The following STXBP5L variants were observed in gnomAD, a reference collection of about 807,000 sequenced individuals.
The protein encoded by STXBP5L is syntaxin binding protein 5L.
STXBP5L carries 65 observed loss-of-function variants against 144.5 expected under a neutral mutation model. That is an observed-to-expected ratio of 0.45 (90% CI 0.37 to 0.55). The LOEUF (loss-of-function observed/expected upper bound fraction) is 0.55. STXBP5L is among the 20% of genes least tolerant of loss of function. The probability of loss-of-function intolerance (pLI) is 0.00; values close to 1 mark genes in which losing one functional copy is unlikely to be tolerated. For missense variants in STXBP5L, 1,298 were observed against 1,405.5 expected (o/e 0.92, Z 1.22); for synonymous variants, 505 against 469.6 (o/e 1.08, Z -0.97).
chr3:121,192,723 A>G (rs1376601623), intron 9 of STXBP5L, among the ~76,000 whole-genome samples: 1 of 152,228 alleles, frequency 6.6e-6, no homozygotes, highest in Non-Finnish European at 1.5e-5. Context: ...CAATGGGGAA[A>G]TGATTCCCTG....
At chr3:121,190,828 C>A (rs1172245756) in intron 9 of STXBP5L, among the ~76,000 whole-genome samples, 1 of 150,308 alleles carries the variant, frequency 6.7e-6, no homozygotes, top group East Asian at 2.0e-4. Flanking sequence ...TCAGACGGGG[C>A]GGCCAGTCAG....
chr3:121,226,605 G>A (rs563062430), intron 11 of STXBP5L, among the ~76,000 whole-genome samples: 1 of 152,130 alleles, frequency 6.6e-6, no homozygotes, highest in Non-Finnish European at 1.5e-5. Context: ...CCCTAGTCTG[G>A]ACTGGGGAAA....
chr3:120,980,460 CTT>C (rs35037881), intron 3 of STXBP5L, among the ~76,000 whole-genome samples: 1,458 of 144,760 alleles, frequency 0.01, 10 homozygotes, highest in Non-Finnish European at 0.015. Context: ...TAATGTCCTG[CTT>C]TTTTTTTTTT....
chr3:121,016,160 A>G (rs999239248), intron 3 of STXBP5L, among the ~76,000 whole-genome samples: 5 of 152,204 alleles, frequency 3.3e-5, no homozygotes, highest in Admixed American at 1.3e-4. Flanking sequence ...CTCAGTTCCT[A>G]TTAATCAATA....
intron 15 of STXBP5L, among the ~76,000 whole-genome samples, chr3:121,253,712 T>C (rs2050108571): frequency 6.7e-6 from 1 of 149,956 alleles, no homozygotes; most frequent in Non-Finnish European, 1.5e-5. Flanking sequence ...CACTGCAAGC[T>C]CCGCCCCCTG....
At chr3:121,305,351 A>G (rs1443246122) in intron 19 of STXBP5L, among the ~76,000 whole-genome samples, 1 of 152,144 alleles carries the variant, frequency 6.6e-6, no homozygotes, top group Non-Finnish European at 1.5e-5. Flanking sequence ...AAACTTGACA[A>G]AGGCAGTACA....
At chr3:121,094,949 C>G (rs575012255) in intron 5 of STXBP5L, among the ~76,000 whole-genome samples, 287 of 152,046 alleles carry the variant, frequency 1.9e-3, no homozygotes, top group African/African-American at 6.5e-3. Flanking sequence ...CCTTCAGGAG[C>G]TCTTTTAGGG....
At chr3:120,970,260 TC>T (rs1335298304) in intron 3 of STXBP5L, among the ~76,000 whole-genome samples, 7 of 152,110 alleles carry the variant, frequency 4.6e-5, no homozygotes, top group Non-Finnish European at 1.0e-4. Context: ...TCTGAATTAG[TC>T]TTTTTTTCTT....
intron 9 of STXBP5L, among the ~76,000 whole-genome samples, chr3:121,161,679 A>G (rs972170670): frequency 6.6e-6 from 1 of 152,000 alleles, no homozygotes; most frequent in African/African-American, 2.4e-5. Context: ...TTCCTATTCA[A>G]TGATTTCAAA....
intron 5 of STXBP5L, among the ~76,000 whole-genome samples, chr3:121,094,934 T>C (rs915832383): frequency 3.9e-5 from 6 of 152,320 alleles, no homozygotes; most frequent in African/African-American, 1.2e-4. Context: ...CCATGTTTAG[T>C]GCTTCCTTCA....
chr3:120,979,169 G>T (rs969723518), intron 3 of STXBP5L, among the ~76,000 whole-genome samples: 1 of 152,222 alleles, frequency 6.6e-6, no homozygotes, highest in Non-Finnish European at 1.5e-5. Context: ...ACAGAGGCAG[G>T]CAGGCCTCCT....
At chr3:121,204,266 T>C (rs1178199727) in intron 9 of STXBP5L, among the ~76,000 whole-genome samples, 2 of 152,114 alleles carry the variant, frequency 1.3e-5, no homozygotes, top group African/African-American at 4.8e-5. Context: ...TTCAGACAAG[T>C]TCCTGAGCAA....
At chr3:120,968,792 A>T (rs991258786) in intron 3 of STXBP5L, among the ~76,000 whole-genome samples, 2 of 151,730 alleles carry the variant, frequency 1.3e-5, no homozygotes, top group Non-Finnish European at 3.0e-5. Flanking sequence ...CACTTAAAAC[A>T]TATGATATTT....
chr3:121,369,838 T>G (rs2108657664), intron 20 of STXBP5L, among the ~76,000 whole-genome samples: 1 of 152,338 alleles, frequency 6.6e-6, no homozygotes, highest in Non-Finnish European at 1.5e-5. Context: ...TCTTGTGGTC[T>G]TCTTTGCTGG....
intron 20 of STXBP5L, among the ~76,000 whole-genome samples, chr3:121,368,180 T>A (rs943466856): frequency 6.6e-6 from 1 of 152,166 alleles, no homozygotes; most frequent in Admixed American, 6.5e-5. Flanking sequence ...ATTTTTTTCT[T>A]TCTGTTTTTC....
intron 19 of STXBP5L, among the ~76,000 whole-genome samples, chr3:121,291,531 T>A (rs908532881): frequency 6.6e-6 from 1 of 152,098 alleles, no homozygotes; most frequent in Non-Finnish European, 1.5e-5. Flanking sequence ...CCATCATTAT[T>A]CTTCACAAAA....
chr3:121,195,959 A>G (rs1272136810), intron 9 of STXBP5L, among the ~76,000 whole-genome samples: 1 of 152,150 alleles, frequency 6.6e-6, no homozygotes, highest in Admixed American at 6.5e-5. Context: ...ACTTTGTAAT[A>G]TATTTTGAAA....
intron 3 of STXBP5L, among the ~76,000 whole-genome samples, chr3:121,010,311 A>T (rs1368323041): frequency 6.6e-6 from 1 of 151,834 alleles, no homozygotes; most frequent in Non-Finnish European, 1.5e-5. Context: ...CTTCTTCAAG[A>T]GGAATTGGTC....
At chr3:121,160,738 G>A in intron 9 of STXBP5L, among the ~76,000 whole-genome samples, 1 of 151,874 alleles carries the variant, frequency 6.6e-6, no homozygotes, top group East Asian at 1.9e-4. Flanking sequence ...TTTATTATTT[G>A]TTTTGTGGGT....
Sources: gnomAD v4.1 joint callset for allele counts (sites outside exome capture counted in the v4.1 genomes callset) on GRCh38, gnomAD v4.1.1 for gene constraint, MANE v1.5 for transcripts, NCBI Gene and HGNC (gene_info 2026-07-23, HGNC 2026-07-21) for gene names.